The following ATM variants were observed in gnomAD, a reference collection of about 807,000 sequenced individuals.
ATM encodes the protein ATM serine/threonine kinase.
ATM carries 308 observed loss-of-function variants against 387.0 expected under a neutral mutation model. That is an observed-to-expected ratio of 0.80 (90% CI 0.73 to 0.87). The LOEUF (loss-of-function observed/expected upper bound fraction) is 0.87. Among genes scored for constraint, ATM ranks in the 40% least tolerant of loss-of-function variants. The pLI is 0.00. For missense variants in ATM, 3,312 were observed against 3,560.9 expected (o/e 0.93, Z 1.78); for synonymous variants, 1,156 against 1,187.3 (o/e 0.97, Z 0.54).
At chr11:108,273,331 C>CTTTTTTTTTTTTTTTTTTTTTTTTTT (rs563140198) in intron 22 of ATM, among the ~76,000 whole-genome samples, 2 of 80,656 alleles carry the variant, frequency 2.5e-5, no homozygotes, top group African/African-American at 1.1e-4. Context: ...TAATTTCATT[C>CTTTTTTTTTTTTTTTTTTTTTTTTTT]TTTTTTTTTT....
Position 108,327,667 on chromosome 11 carries a change from C to T in ATM, c.6998C>T (p.Thr2333Ile), listed in dbSNP as rs150503164. 4.3e-5 allele frequency: 69 copies of T among 1,613,754 alleles called. No individual in the cohort carries two copies. In the African/African-American group the frequency reaches 8.8e-4, roughly 21 times the overall value. ...CAANNPSLKL[T>I]YTECLRVCGN... is the part of the protein sequence containing the mutation. ...CAGAACAATCCCAGCCTAAAACTTACATACACAGAATGTCTGAGGGTTTGT... is the reference window on the plus strand; with the variant it reads ...CAGAACAATCCCAGCCTAAAACTTATATACACAGAATGTCTGAGGGTTTGT... The change falls in exon 48 of 63, where the codon ACA becomes ATA. Residue 2333 changes from threonine (T) to isoleucine (I), a missense_variant. Around this residue, in one of 4 missense-constraint regions of ATM, gnomAD observed 1,405 missense variants for 1,604.4 expected, o/e 0.88. Coordinates refer to ENST00000675843, the MANE Select transcript of ATM (RefSeq NM_000051.4).
chr11:108,240,895 T>C (rs1232578560), intron 5 of ATM, among the ~76,000 whole-genome samples: 1 of 152,202 alleles, frequency 6.6e-6, no homozygotes, highest in Admixed American at 6.5e-5. Flanking sequence ...CTTTATAAAC[T>C]TTAAAAATGT....
At chr11:108,288,642 A>G (rs532973321) in intron 27 of ATM, among the ~76,000 whole-genome samples, 1 of 152,086 alleles carries the variant, frequency 6.6e-6, no homozygotes, top group Admixed American at 6.6e-5. Context: ...CTGCTTTTAC[A>G]GTACTGGCAT....
intron 16 of ATM, among the ~76,000 whole-genome samples, chr11:108,265,883 A>T (rs228604): frequency 0.25 from 32,464 of 131,022 alleles, 4,549 homozygotes; most frequent in Middle Eastern, 0.52. Context: ...ACATGAAAAA[A>T]TGCTCATCAT....
At chr11:108,281,267 C>T in intron 24 of ATM, 99 bp downstream of exon 24, 1 of 1,219,704 alleles carries the variant, frequency 8.2e-7, no homozygotes, top group Non-Finnish European at 1.2e-6. Flanking sequence ...TTATTTAAGA[C>T]TAGGAAACAA....
chr11:108,227,495 C>A (rs2078797122), intron 1 of ATM, 100 bp from the exon 2 acceptor site: 7 of 727,960 alleles, frequency 9.6e-6, no homozygotes. Context: ...ATAAATACTG[C>A]AGTATAAAAT....
intron 39 of ATM, 84 bp downstream of exon 39, chr11:108,310,399 T>A (rs2084050185): frequency 1.3e-5 from 16 of 1,267,706 alleles, no homozygotes; most frequent in African/African-American, 3.0e-5. Flanking sequence ...TTATTTTGCC[T>A]CCTGTTCCCC....
intron 28 of ATM, 114 bp from the exon 29 acceptor site, chr11:108,289,488 T>C: frequency 1.2e-6 from 1 of 820,548 alleles, no homozygotes. Context: ...TATTTAGTTA[T>C]TTTAAATATA....
intron 54 of ATM, 91 bp from the exon 55 acceptor site, chr11:108,334,874 CTGTT>C: frequency 3.6e-6 from 5 of 1,407,728 alleles, no homozygotes; most frequent in East Asian, 2.4e-5. Flanking sequence ...ATTTGTTTCT[CTGTT>C]TAATATTAAA....
chr11:108,227,723 T>A, intron 2 of ATM, 27 bp downstream of exon 2: 1 of 1,589,222 alleles, frequency 6.3e-7, no homozygotes, highest in Non-Finnish European at 8.6e-7. Context: ...ATTCAATTTT[T>A]CCTTGAAATA....
At chr11:108,291,946 G>T (rs930649959) in intron 29 of ATM, among the ~76,000 whole-genome samples, 1 of 152,076 alleles carries the variant, frequency 6.6e-6, no homozygotes, top group African/African-American at 2.4e-5. Flanking sequence ...AAAGAAATAC[G>T]CTCCCCAGCT....
intron 43 of ATM, among the ~76,000 whole-genome samples, chr11:108,318,691 A>T (rs891255395): frequency 1.9e-4 from 29 of 152,074 alleles, no homozygotes; most frequent in African/African-American, 6.0e-4. Context: ...TCTGTCTCAA[A>T]AAAACAAAAA....
chr11:108,293,891 AAAAATATAT>A (rs1316563452), intron 31 of ATM, among the ~76,000 whole-genome samples: 18 of 116,532 alleles, frequency 1.5e-4, no homozygotes, highest in African/African-American at 4.7e-4. Context: ...AAAAAAAAAA[AAAAATATAT>A]ATATATATAT....
In ATM at chr11:108,365,544, T is replaced by C. The variant is rs2091267077; in HGVS notation, c.*36T>C. 1.9e-6 allele frequency: 3 copies of C among 1,600,158 alleles called. No individual in the cohort carries two copies. Among genetic ancestry groups the C allele is most frequent in the Non-Finnish European group, 2.6e-6 (3 of 1,171,314 alleles). On this transcript the variant is annotated 3_prime_UTR_variant, in exon 63 of 63. Transcript: ENST00000675843. ...ATGAATTACCCTTTCATTCAGCCTT[T>C]AGAAATTATATTTTAGCCTTTATTT...
intron 55 of ATM, among the ~76,000 whole-genome samples, chr11:108,335,452 C>G (rs909274801): frequency 6.6e-6 from 1 of 152,080 alleles, no homozygotes; most frequent in African/African-American, 2.4e-5. Flanking sequence ...CATCAGTATA[C>G]CGGGTCTCGT....
chr11:108,227,135 C>T (rs1465946900), intron 1 of ATM: 1 of 158,168 alleles, frequency 6.3e-6, no homozygotes, highest in Non-Finnish European at 1.4e-5. Context: ...CTGCCTCAGC[C>T]TCCTGAGTAG....
At chr11:108,343,488 A>G in intron 57 of ATM, 117 bp downstream of exon 57, 1 of 1,248,294 alleles carries the variant, frequency 8.0e-7, no homozygotes, top group South Asian at 1.4e-5. Context: ...GTAATTGTCA[A>G]AGATACTAAG....
In ATM at chr11:108,282,698, T is replaced by C. The variant is rs757616718; in HGVS notation, c.3577-12T>C. ...CATTTTTCTTAACACATTGACTTTT[T>C]GGTTCGTGCAGGTTTTAGAGAAAGT... On this transcript the variant is annotated splice_polypyrimidine_tract_variant and intron_variant, in intron 24 of 62. Coordinates refer to ENST00000675843, the MANE Select transcript of ATM (RefSeq NM_000051.4). 2 of 1,611,980 alleles carry C rather than the reference T, an allele frequency of 1.2e-6. No homozygotes were observed. Among genetic ancestry groups the C allele is most frequent in the South Asian group, 2.2e-5 (2 of 90,724 alleles).
In ATM at chr11:108,289,051, A is replaced by G. The variant is rs375396787; in HGVS notation, c.4184A>G (p.Asn1395Ser). 1.2e-6 allele frequency: 2 copies of G among 1,612,988 alleles called. No homozygotes were observed. Among genetic ancestry groups the G allele is most frequent in the Middle Eastern group, 1.7e-4 (1 of 6,054 alleles). Residue 1395 changes from asparagine (N) to serine (S), a missense_variant, in exon 28 of 63, where the codon AAT becomes AGT. Coordinates refer to ENST00000675843, the MANE Select transcript of ATM (RefSeq NM_000051.4). Reference sequence around the variant, plus strand: ...AAAGCAACATTTGCCTATATCAGCAATTGTCATAAAACCAAGTTAAAAAGC... The same window carrying G: ...AAAGCAACATTTGCCTATATCAGCAGTTGTCATAAAACCAAGTTAAAAAGC... ...VIKATFAYIS[N>S]CHKTKLKSIL...
Sources: gnomAD v4.1 joint callset for allele counts (sites outside exome capture counted in the v4.1 genomes callset) on GRCh38, gnomAD v4.1.1 for gene constraint, gnomAD v4.1.1 regional missense constraint, MANE v1.5 for transcripts, NCBI Gene and HGNC (gene_info 2026-07-23, HGNC 2026-07-21) for gene names.